The following GOSR2 variants were observed in gnomAD, a reference collection of about 807,000 sequenced individuals.
GOSR2 encodes the protein 27 kDa Golgi SNARE protein.
A neutral mutation model predicts 27.9 loss-of-function variants in GOSR2; 20 were observed. The ratio of observed to expected loss-of-function variants is 0.72; its 90% confidence interval spans 0.50 to 1.04. GOSR2 has a LOEUF of 1.04. GOSR2 is among the 50% of genes least tolerant of loss of function. The pLI is 0.00. For missense variants in GOSR2, 261 were observed against 270.5 expected (o/e 0.97, Z 0.25); for synonymous variants, 91 against 98.8 (o/e 0.92, Z 0.47).
At chr17:46,974,252 C>A (rs191942303) in intron 6 of GOSR2, among the ~76,000 whole-genome samples, 1 of 152,342 alleles carries the variant, frequency 6.6e-6, no homozygotes, top group Non-Finnish European at 1.5e-5. Context: ...CAGGGCCAGA[C>A]GCTAGGTCTG....
downstream of GOSR2, among the ~76,000 whole-genome samples, chr17:46,945,346 T>A (rs2089754821): frequency 6.6e-6 from 1 of 152,140 alleles, no homozygotes; most frequent in Non-Finnish European, 1.5e-5. Context: ...GCTGTCAGGC[T>A]GGTGTGGGTG....
chr17:46,957,252 C>T (rs1404785954), intron 6 of GOSR2, among the ~76,000 whole-genome samples: 1 of 152,160 alleles, frequency 6.6e-6, no homozygotes, highest in Non-Finnish European at 1.5e-5. Context: ...TTGCAGTGAG[C>T]TGAGTTTACA....
At position 46,939,981 on chromosome 17, in the gene GOSR2, C is replaced by T; in HGVS notation, c.*1221C>T. ...CTTCATGGCAAGACATAAAATGACA[C>T]TCAAAATCCTTCAGATCTGGAAACC... is the stretch of plus-strand genomic sequence containing the variant. On this transcript the variant is annotated 3_prime_UTR_variant, in exon 6 of 6. Coordinates refer to ENST00000640051, the MANE Select transcript of GOSR2 (RefSeq NM_004287.5). The T allele has an allele frequency of 9.9e-7, 1 of 1,010,182 alleles. No homozygotes were observed. 62.6% of individuals were successfully genotyped at this position (1,010,182 alleles called of 1,614,324 possible). A position where few individuals can be genotyped will look rare whatever the true frequency, so the allele number is the denominator to read the frequency against.
chr17:46,973,328 T>C (rs2091412216), intron 6 of GOSR2, among the ~76,000 whole-genome samples: 1 of 151,938 alleles, frequency 6.6e-6, no homozygotes, highest in South Asian at 2.1e-4. Context: ...TTTCTTTTCT[T>C]TTTTCTTTTT....
chr17:46,928,343 T>G (rs879937521), intron 1 of GOSR2, among the ~76,000 whole-genome samples: 43 of 152,120 alleles, frequency 2.8e-4, no homozygotes, highest in Admixed American at 2.5e-3. Context: ...GGGTCCTGGT[T>G]TGCATTGCTC....
chr17:46,966,402 G>A (rs2091322463), intron 6 of GOSR2: 2 of 562,824 alleles, frequency 3.6e-6, no homozygotes, highest in African/African-American at 3.8e-5. Flanking sequence ...CAGATACCTG[G>A]TCCTTGTGAC....
downstream of GOSR2, among the ~76,000 whole-genome samples, chr17:46,945,524 TCA>T (rs1441408856): frequency 2.6e-5 from 4 of 152,204 alleles, no homozygotes; most frequent in Non-Finnish European, 5.9e-5. Flanking sequence ...CACTCCAGCC[TCA>T]GTTTCCTGTC....
intron 6 of GOSR2, among the ~76,000 whole-genome samples, chr17:46,956,415 C>T (rs2147269139): frequency 6.6e-6 from 1 of 151,478 alleles, no homozygotes; most frequent in Non-Finnish European, 1.5e-5. Flanking sequence ...CTCAGCCTCC[C>T]GAGTAGCTGG....
chr17:46,942,778 C>T (rs2089445609), downstream of GOSR2, among the ~76,000 whole-genome samples: 1 of 152,228 alleles, frequency 6.6e-6, no homozygotes, highest in Admixed American at 6.5e-5. Context: ...TACTTAGAAG[C>T]TGAGAAAGGA....
At chr17:46,970,328 G>A (rs2091378266), downstream of GOSR2, among the ~76,000 whole-genome samples, 1 of 152,052 alleles carries the variant, frequency 6.6e-6, no homozygotes, top group Admixed American at 6.5e-5. Context: ...ATCACCTGAG[G>A]TCAGGAGTTC....
At chr17:46,954,720 TCTC>T (rs2090596942) in intron 6 of GOSR2, among the ~76,000 whole-genome samples, 1 of 152,170 alleles carries the variant, frequency 6.6e-6, no homozygotes, top group Admixed American at 6.5e-5. Flanking sequence ...GGTTTGTAGT[TCTC>T]CTTGAAGACA....
intron 6 of GOSR2, chr17:46,952,712 CAGAG>C (rs997923283): frequency 5.9e-5 from 9 of 152,130 alleles, no homozygotes; most frequent in East Asian, 3.9e-4. Context: ...GAAAGCAAAA[CAGAG>C]AGAGAGACAG....
At chr17:46,943,740 C>G (rs958260034), downstream of GOSR2, among the ~76,000 whole-genome samples, 26 of 152,194 alleles carry the variant, frequency 1.7e-4, no homozygotes, top group African/African-American at 6.3e-4. Flanking sequence ...ACTGATGCTA[C>G]GAGCCATGTG....
At chr17:46,974,348 C>A (rs1164871470) in intron 6 of GOSR2, among the ~76,000 whole-genome samples, 1 of 152,228 alleles carries the variant, frequency 6.6e-6, no homozygotes, top group Non-Finnish European at 1.5e-5. Flanking sequence ...TGAGCTTGGA[C>A]AAGATCAGTA....
downstream of GOSR2, among the ~76,000 whole-genome samples, chr17:46,946,676 A>G (rs1179336756): frequency 6.6e-6 from 1 of 152,164 alleles, no homozygotes; most frequent in Non-Finnish European, 1.5e-5. Context: ...CAGCCTGGCC[A>G]ACATGGTGAA....
At chr17:46,956,805 G>A (rs2090748794) in intron 6 of GOSR2, among the ~76,000 whole-genome samples, 1 of 152,204 alleles carries the variant, frequency 6.6e-6, no homozygotes, top group Admixed American at 6.5e-5. Flanking sequence ...TCAGCATGCT[G>A]CCCTGCCTTT....
chr17:46,969,539 C>G (rs1159187142), downstream of GOSR2, among the ~76,000 whole-genome samples: 1 of 152,202 alleles, frequency 6.6e-6, no homozygotes, highest in Non-Finnish European at 1.5e-5. Context: ...CCTAAACAAC[C>G]GTGGAACGAT....
intron 6 of GOSR2, chr17:46,975,072 T>A (rs1297591334): frequency 6.9e-6 from 1 of 145,030 alleles, no homozygotes; most frequent in African/African-American, 2.6e-5. Flanking sequence ...GTTCATACGA[T>A]AAACAAAACT....
At chr17:46,944,314 A>T (rs1419253511), downstream of GOSR2, among the ~76,000 whole-genome samples, 2 of 152,240 alleles carry the variant, frequency 1.3e-5, no homozygotes, top group Non-Finnish European at 1.5e-5. Flanking sequence ...CAGGATGCAG[A>T]GCCTGGCTTC....
Sources: allele counts gnomAD v4.1 joint callset (sites outside exome capture counted in the v4.1 genomes callset), GRCh38; gene constraint gnomAD v4.1.1; transcripts MANE v1.5; gene names NCBI Gene and HGNC (gene_info 2026-07-23, HGNC 2026-07-21).